The following MCF2 variants were observed in gnomAD, a reference collection of about 807,000 sequenced individuals.
MCF2 encodes proto-oncogene DBL.
In MCF2, 44 loss-of-function variants were observed where a neutral mutation model predicts 82.5. That is an observed-to-expected ratio of 0.53 (90% CI 0.42 to 0.69). The LOEUF (loss-of-function observed/expected upper bound fraction) is 0.69, where lower values mean the gene tolerates loss of function less well. Ranked by LOEUF, MCF2 falls within the 30% of genes least tolerant of loss-of-function variation. MCF2 has a pLI of 0.00. For synonymous variants in MCF2, 217 were observed against 224.9 expected (o/e 0.96, Z 0.32); for missense variants, 623 against 663.1 (o/e 0.94, Z 0.66).
At chrX:139,703,069 A>G (rs1426556204) in intron 1 of MCF2, among the ~76,000 whole-genome samples, 3 of 111,994 alleles carry the variant, frequency 2.7e-5, no homozygotes, top group African/African-American at 6.5e-5. Flanking sequence ...AAATTATCCA[A>G]TCTTCAGAAC....
At chrX:139,600,897 G>A (rs1421528967) in intron 16 of MCF2, among the ~76,000 whole-genome samples, 2 of 111,711 alleles carry the variant, frequency 1.8e-5, no homozygotes, top group African/African-American at 6.5e-5. Flanking sequence ...GACAACAGAA[G>A]ATGTGCAGGG....
Position 139,600,912 on chromosome X carries a change from G to T in MCF2, c.1836+1494C>A, listed in dbSNP as rs201529250. On this transcript the variant is annotated intron_variant, in intron 16 of 24. Transcript: ENST00000370576. ...GACAACAGAAGATGTGCAGGGAGAA[G>T]AAAGCCATTTTTAAAAGAAAAATCT... Among the ~76,000 whole-genome samples the T allele has an allele frequency of 4.5e-5, 5 of 111,651 alleles. No homozygotes were observed. In the East Asian group the frequency reaches 1.4e-3, roughly 31 times the overall value.
chrX:139,630,407 A>G (rs991319764), intron 3 of MCF2, among the ~76,000 whole-genome samples: 2 of 111,923 alleles, frequency 1.8e-5, no homozygotes, highest in Non-Finnish European at 3.8e-5. Flanking sequence ...TTGTTGCCAT[A>G]AAATGGTAAG....
chrX:139,593,966 C>G (rs2148406509), intron 19 of MCF2, among the ~76,000 whole-genome samples: 1 of 110,841 alleles, frequency 9.0e-6, no homozygotes, highest in African/African-American at 3.3e-5. Flanking sequence ...GAATGAACTC[C>G]CATTCACAAT....
At chrX:139,670,167 T>C (rs1186203953) in intron 1 of MCF2, among the ~76,000 whole-genome samples, 1 of 111,077 alleles carries the variant, frequency 9.0e-6, no homozygotes, top group Non-Finnish European at 1.9e-5. Context: ...AGGATTTAAT[T>C]ATTTAAAAAA....
At chrX:139,598,622 A>G (rs1305927832) in intron 16 of MCF2, 124 bp from the exon 21 acceptor site, 1 of 391,449 alleles carries the variant, frequency 2.6e-6, no homozygotes, top group African/African-American at 2.7e-5. Context: ...ATTTATTGGA[A>G]AAATCACTGT....
chrX:139,701,452 C>A (rs1336844026), intron 1 of MCF2, among the ~76,000 whole-genome samples: 1 of 112,223 alleles, frequency 8.9e-6, no homozygotes, highest in Non-Finnish European at 1.9e-5. Context: ...ATAGCTCACC[C>A]AGTCAGTTGG....
chrX:139,589,103 G>T (rs1239642908), intron 20 of MCF2, among the ~76,000 whole-genome samples: 1 of 111,216 alleles, frequency 9.0e-6, no homozygotes, highest in Non-Finnish European at 1.9e-5. Context: ...TTTCTGAAAA[G>T]GCCATCTATT....
intron 19 of MCF2, among the ~76,000 whole-genome samples, chrX:139,591,111 C>A (rs1201183125): frequency 1.8e-5 from 2 of 110,713 alleles, no homozygotes; most frequent in African/African-American, 6.6e-5. Flanking sequence ...GCTGGAAGGC[C>A]CACAGGCTTT....
intron 6 of MCF2, among the ~76,000 whole-genome samples, chrX:139,625,191 A>G (rs1460551622): frequency 1.8e-5 from 2 of 111,514 alleles, no homozygotes; most frequent in African/African-American, 3.3e-5. Flanking sequence ...ACAGGAATTA[A>G]TGACTTGGGG....
chrX:139,628,630 T>C (rs1932821653), intron 4 of MCF2, among the ~76,000 whole-genome samples: 1 of 111,623 alleles, frequency 9.0e-6, no homozygotes, highest in African/African-American at 3.3e-5. Context: ...AAATAAAAGT[T>C]GGAAAAAAAC....
At chrX:139,644,908 G>A (rs1292090806), upstream of MCF2, among the ~76,000 whole-genome samples, 2 of 111,403 alleles carry the variant, frequency 1.8e-5, no homozygotes, top group African/African-American at 3.3e-5. Flanking sequence ...CTCCCTCCTC[G>A]TCTATGAAAG....
At chrX:139,596,047 T>A (rs73573965) in intron 19 of MCF2, among the ~76,000 whole-genome samples, 1,832 of 111,351 alleles carry the variant, frequency 0.016, 33 homozygotes, top group African/African-American at 0.056. Flanking sequence ...AACACCCAGG[T>A]AGGGTGGAGC....
intron 12 of MCF2, 133 bp from the exon 17 acceptor site, chrX:139,605,912 C>A (rs1603281757): frequency 2.5e-6 from 1 of 404,610 alleles, no homozygotes. Flanking sequence ...GTTTTAGCAT[C>A]AAAATATGAA....
intron 1 of MCF2, among the ~76,000 whole-genome samples, chrX:139,676,940 C>T (rs1934880963): frequency 9.0e-6 from 1 of 111,016 alleles, no homozygotes; most frequent in South Asian, 3.9e-4. Context: ...GAAACTGTCT[C>T]TCTAAGATAA....
intron 20 of MCF2, 31 bp from the exon 25 acceptor site, chrX:139,588,469 T>G: frequency 5.9e-6 from 5 of 849,027 alleles, no homozygotes; most frequent in Non-Finnish European, 8.7e-6. Flanking sequence ...GGGAGGGAGG[T>G]GGTACACATT....
At chrX:139,647,085 A>G (rs1421645153), upstream of MCF2, among the ~76,000 whole-genome samples, 1 of 112,170 alleles carries the variant, frequency 8.9e-6, no homozygotes, top group Admixed American at 9.5e-5. Flanking sequence ...GTGGCAGAGT[A>G]GTTTCTCAAT....
chrX:139,582,436 G>C (rs1296240051), exon 25 of MCF2: 2 of 1,204,452 alleles, frequency 1.7e-6, no homozygotes, highest in African/African-American at 3.5e-5. Context: ...AAGCAGGCAG[G>C]AAAGAGCTAC....
intron 2 of MCF2, among the ~76,000 whole-genome samples, chrX:139,650,187 G>A (rs982944694): frequency 9.0e-6 from 1 of 111,011 alleles, no homozygotes; most frequent in Non-Finnish European, 1.9e-5. Flanking sequence ...AAACCCTTTT[G>A]CTACAAAAAT....
Sources: allele counts gnomAD v4.1 joint callset (sites outside exome capture counted in the v4.1 genomes callset), GRCh38; gene constraint gnomAD v4.1.1; transcripts MANE v1.5; gene names NCBI Gene and HGNC (gene_info 2026-07-23, HGNC 2026-07-21).